Variants in PTPRB observed in about 807,000 individuals in gnomAD.
PTPRB encodes protein tyrosine phosphatase receptor type B, also known as receptor-type tyrosine-protein phosphatase beta.
PTPRB carries 97 observed loss-of-function variants against 238.1 expected under a neutral mutation model. That is an observed-to-expected ratio of 0.41 (90% CI 0.35 to 0.48). The LOEUF is 0.48. Ranked by LOEUF, PTPRB falls within the 20% of genes least tolerant of loss-of-function variation. The pLI is 0.30. For synonymous variants in PTPRB, 970 were observed against 995.4 expected (o/e 0.97, Z 0.48); for missense variants, 2,292 against 2,681.9 (o/e 0.85, Z 3.21).
intron 32 of PTPRB, among the ~76,000 whole-genome samples, chr12:70,528,433 T>C (rs548114639): frequency 6.6e-6 from 1 of 152,134 alleles, no homozygotes; most frequent in South Asian, 2.1e-4. Context: ...AGGGCAGAGC[T>C]GGAGGCAGGA....
intron 32 of PTPRB, among the ~76,000 whole-genome samples, chr12:70,527,997 A>G (rs999984718): frequency 6.6e-6 from 1 of 152,216 alleles, no homozygotes; most frequent in African/African-American, 2.4e-5. Flanking sequence ...TGCCATTAAA[A>G]GTAATGCATT....
chr12:70,549,196 T>G (rs951933845), intron 21 of PTPRB, among the ~76,000 whole-genome samples: 1 of 152,238 alleles, frequency 6.6e-6, no homozygotes, highest in Non-Finnish European at 1.5e-5. Flanking sequence ...CAAGACACTA[T>G]TTTTAATGAA....
At chr12:70,622,973 T>C (rs1161931703) in intron 2 of PTPRB, among the ~76,000 whole-genome samples, 1 of 152,082 alleles carries the variant, frequency 6.6e-6, no homozygotes, top group Non-Finnish European at 1.5e-5. Context: ...TGAATTGGCT[T>C]CAGGGGAATC....
rs560235432 is a variant in PTPRB, at chr12:70,549,706, C to T, written c.5387+3071G>A. Among the ~76,000 whole-genome samples, 32 of 152,274 alleles carry T rather than the reference C, an allele frequency of 2.1e-4. 1 individual carries two copies. Among genetic ancestry groups the T allele is most frequent in the African/African-American group, 7.5e-4 (31 of 41,562 alleles). ...ACTGGACTGAGTTCAGCAGCCACCA[C>T]GCAAGAGGCTGATTTGCATGTGGTT... is the stretch of plus-strand genomic sequence containing the variant. On this transcript the variant is annotated intron_variant, in intron 21 of 33. Coordinates refer to ENST00000334414, the MANE Select transcript of PTPRB (RefSeq NM_001109754.4).
rs779209526 is a variant in PTPRB, at chr12:70,571,922, C to G, written c.3008G>C (p.Cys1003Ser). Residue 1003 changes from cysteine to serine, a missense_variant, in exon 12 of 34, where the codon TGT (cysteine) becomes TCT (serine). Transcript: ENST00000334414. ...TKSIPKSENE[C>S]VFVQLVPGRL... ...TCCAGGGACTAGCTGAACAAATACA[C>G]ATTCGTTTTCTGACTTGGGAATGCT... The G allele has an allele frequency of 6.2e-7, 1 of 1,613,972 alleles. No individual in the cohort carries two copies. Among genetic ancestry groups the G allele is most frequent in the Non-Finnish European group, 8.5e-7 (1 of 1,179,860 alleles).
chr12:70,596,496 C>T (rs1453032613), intron 4 of PTPRB, among the ~76,000 whole-genome samples, 169 bp from the exon 5 acceptor site: 10 of 151,762 alleles, frequency 6.6e-5, no homozygotes, highest in Non-Finnish European at 1.3e-4. Flanking sequence ...TGCTTCACTT[C>T]CAAACCTACC....
chr12:70,596,022 C>G (rs780267879), intron 5 of PTPRB, 27 bp downstream of exon 5: 1 of 1,510,812 alleles, frequency 6.6e-7, no homozygotes, highest in Non-Finnish European at 8.9e-7. Flanking sequence ...CTATTAACTA[C>G]TCAGCTATAA....
chr12:70,559,571 C>A lies in PTPRB; in HGVS notation c.4486G>T (p.Ala1496Ser). ...SFADIANTSL[A>S]ITWKGPPDWT... ...TCTGGGGGCCCTTTCCACGTGATGG[C>A]CAAGGATGTGTTTGCAATGTCAGCA... The change falls in exon 18 of 34, where the codon GCC becomes TCC. Residue 1496 changes from alanine (A) to serine (S), a missense_variant. By Grantham distance (99) the Ala-to-Ser change is moderately conservative. This residue lies in a region of PTPRB where 683 missense variants were observed against 862.0 expected (regional missense o/e 0.79). Coordinates refer to ENST00000334414, the MANE Select transcript of PTPRB (RefSeq NM_001109754.4). 1 of 1,613,310 alleles carries A rather than the reference C, an allele frequency of 6.2e-7. No homozygotes were observed. Among genetic ancestry groups the A allele is most frequent in the Non-Finnish European group, 8.5e-7 (1 of 1,179,284 alleles).
At chr12:70,619,539 A>C (rs1257720624) in intron 3 of PTPRB, among the ~76,000 whole-genome samples, 1 of 152,162 alleles carries the variant, frequency 6.6e-6, no homozygotes, top group Non-Finnish European at 1.5e-5. Context: ...CCTCGGCCTC[A>C]AAAGGCTTGT....
intron 7 of PTPRB, chr12:70,591,823 G>C (rs1373844544): frequency 6.2e-6 from 1 of 161,068 alleles, no homozygotes; most frequent in East Asian, 1.8e-4. Flanking sequence ...CACCAGATGG[G>C]GTAGTCTGCT....
chr12:70,522,259 T>C (rs1871734012), intron 33 of PTPRB, among the ~76,000 whole-genome samples: 1 of 152,134 alleles, frequency 6.6e-6, no homozygotes, highest in Admixed American at 6.6e-5. Flanking sequence ...ATCTGATTTA[T>C]AGAGAGATAC....
At chr12:70,623,346 T>C (rs1450538862) in intron 2 of PTPRB, among the ~76,000 whole-genome samples, 1 of 152,034 alleles carries the variant, frequency 6.6e-6, no homozygotes, top group East Asian at 1.9e-4. Context: ...TTGCCCATAT[T>C]AAAAAAAACA....
Position 70,594,500 on chromosome 12 carries a change from G to A in PTPRB, c.1483C>T (p.Leu495=), listed in dbSNP as rs866113553. 1.2e-6 allele frequency: 2 copies of A among 1,613,872 alleles called. No individual in the cohort carries two copies. The highest frequency in any genetic ancestry group is 1.3e-5 in the African/African-American group (1 of 74,926). ...ACTAGTTTCCACCTGTAGTTTTGCA[G>A]CCCTGCAGCCTCAGTCATAACAGTG... is the stretch of plus-strand genomic sequence containing the variant. ...NLTVMTEAAG[L]QNYRWKLVRT... is the part of the protein sequence containing the mutation. The change falls in exon 6 of 34, where the codon CTG becomes TTG. Residue 495 remains leucine, a synonymous_variant. Transcript: ENST00000334414.
chr12:70,608,851 C>T, intron 4 of PTPRB: 1 of 645,650 alleles, frequency 1.5e-6, no homozygotes, highest in Non-Finnish European at 2.5e-6. Flanking sequence ...CTTTCAGTAG[C>T]TAGTTGGCTG....
chr12:70,626,575 C>T (rs533666504), intron 2 of PTPRB, among the ~76,000 whole-genome samples: 5 of 151,980 alleles, frequency 3.3e-5, no homozygotes, highest in Admixed American at 2.0e-4. Flanking sequence ...CTAAGCAATA[C>T]AACAACTATT....
intron 32 of PTPRB, among the ~76,000 whole-genome samples, chr12:70,529,111 G>C (rs1039952117): frequency 6.6e-6 from 1 of 152,030 alleles, no homozygotes; most frequent in African/African-American, 2.4e-5. Context: ...ACAAAACCTT[G>C]GGGAACTCAA....
intron 15 of PTPRB, among the ~76,000 whole-genome samples, chr12:70,565,925 G>A (rs1388233239): frequency 6.6e-6 from 1 of 152,168 alleles, no homozygotes; most frequent in Non-Finnish European, 1.5e-5. Context: ...GGAAGAGGGA[G>A]GCAGGAGAGC....
intron 23 of PTPRB, 138 bp downstream of exon 23, chr12:70,540,720 G>C (rs1464876944): frequency 1.5e-6 from 1 of 677,822 alleles, no homozygotes; most frequent in African/African-American, 1.8e-5. Flanking sequence ...AGTTTGACTT[G>C]TTTTTATTGA....
At chr12:70,543,050 GTTGTC>G (rs528076989) in intron 22 of PTPRB, 105 of 152,064 alleles carry the variant, frequency 6.9e-4, no homozygotes, top group Middle Eastern at 3.4e-3. Context: ...TATTCTGTAG[GTTGTC>G]TTTTTACTTT....
Sources: allele counts gnomAD v4.1 joint callset (sites outside exome capture counted in the v4.1 genomes callset), GRCh38; gene constraint gnomAD v4.1.1; regional missense constraint gnomAD v4.1.1; transcripts MANE v1.5; gene names NCBI Gene and HGNC (gene_info 2026-07-23, HGNC 2026-07-21).